Variants in ADAM12 observed in about 807,000 individuals in gnomAD.
The protein encoded by ADAM12 is ADAM metallopeptidase domain 12.
A neutral mutation model predicts 106.4 loss-of-function variants in ADAM12; 70 were observed. The ratio of observed to expected loss-of-function variants is 0.66; its 90% confidence interval spans 0.54 to 0.80. The LOEUF is 0.80. ADAM12 is among the 30% of genes least tolerant of loss of function. The probability of loss-of-function intolerance (pLI) is 0.00; values close to 1 mark genes in which losing one functional copy is unlikely to be tolerated. For missense variants in ADAM12, 1,010 were observed against 1,171.9 expected (o/e 0.86, Z 2.02); for synonymous variants, 420 against 433.5 (o/e 0.97, Z 0.39).
rs1953672268 is a variant in ADAM12, at chr10:126,016,998, A to G, written c.*281T>C. On this transcript the variant is annotated 3_prime_UTR_variant, in exon 23 of 23. Transcript: ENST00000448723. ...TTCACTAAAATACTAAAAGCACAAC[A>G]AGCCTTCCTGCCATGGAAAACTCAG... The G allele has an allele frequency of 3.1e-6, 1 of 326,396 alleles. No individual in the cohort carries two copies. The highest frequency in any genetic ancestry group is 2.1e-5 in the African/African-American group (1 of 46,748). The allele number at this position is 326,396 out of a possible 1,614,324, so 20.2% of individuals were successfully genotyped here.
rs1186196288 is a variant in ADAM12, at chr10:126,013,146, A to G, written c.*4133T>C. 1 of 152,208 alleles carries G rather than the reference A, an allele frequency of 6.6e-6. No homozygotes were observed. The highest frequency in any genetic ancestry group is 2.4e-5 in the African/African-American group (1 of 41,436). The allele number at this position is 152,208 out of a possible 1,614,324, so 9.4% of individuals were successfully genotyped here. On this transcript the variant is annotated 3_prime_UTR_variant, in exon 23 of 23. Coordinates refer to ENST00000448723, the MANE Select transcript of ADAM12 (RefSeq NM_001288973.2). This position sits in a 1 kb window ranked among gnomAD's most constrained non-coding sequence, Gnocchi z 4.3. ...TATAGTTATTCTTAATTTTTCTCAT[A>G]TGAAACTGTAATGGCTGTACTAGAA...
At chr10:126,251,636 TGATGGGATG>T (rs1357598316) in intron 3 of ADAM12, among the ~76,000 whole-genome samples, 2 of 147,820 alleles carry the variant, frequency 1.4e-5, no homozygotes, top group South Asian at 2.1e-4. Flanking sequence ...ATGGATGGGA[TGATGGGATG>T]GATGGGATGG....
chr10:126,131,989 T>A, intron 5 of ADAM12, among the ~76,000 whole-genome samples: 1 of 151,992 alleles, frequency 6.6e-6, no homozygotes, highest in East Asian at 1.9e-4. Context: ...GTTTTTTTTT[T>A]TTTTTTAGTT....
At chr10:126,353,956 A>G (rs1179739304) in intron 1 of ADAM12, among the ~76,000 whole-genome samples, 4 of 152,108 alleles carry the variant, frequency 2.6e-5, no homozygotes, top group Non-Finnish European at 5.9e-5. Flanking sequence ...TTGACAGAAA[A>G]TTCCAAATCC....
At chr10:126,063,113 G>A (rs1326497288) in intron 14 of ADAM12, among the ~76,000 whole-genome samples, 1 of 152,242 alleles carries the variant, frequency 6.6e-6, no homozygotes, top group Non-Finnish European at 1.5e-5. Context: ...TGCCAGGACT[G>A]AGGGCTGCTC....
Position 126,135,667 on chromosome 10 carries a change from G to T in ADAM12, c.340-7C>A, listed in dbSNP as rs748730684. ...CATGGTAGTAACAGTGACCCTAAAG[G>T]GGAGGAGGAGAGAATCCCATTTCAG... On this transcript the variant is annotated splice_polypyrimidine_tract_variant and splice_region_variant and intron_variant, in intron 4 of 22. Transcript: ENST00000448723. The T allele has an allele frequency of 6.2e-7, 1 of 1,612,170 alleles. No individual in the cohort carries two copies. The highest frequency in any genetic ancestry group is 1.1e-5 in the South Asian group (1 of 91,012).
chr10:126,071,613 T>G lies in ADAM12; in HGVS notation c.1187A>C (p.Asp396Ala). ...PMVFSSCSRK[D>A]LETSLEKGMG... ...TCCTTTCTCCAGGCTGGTCTCCAAG[T>G]CCTTCCTGCTGCAACTGCTGAACAC... The change falls in exon 12 of 23, where the codon GAC becomes GCC. Residue 396 changes from aspartate (D) to alanine (A), a missense_variant. Physicochemically the swap from Asp to Ala is moderately radical, Grantham distance 126 (BLOSUM62 -2). Transcript: ENST00000448723. 1 of 1,614,122 alleles carries G rather than the reference T, an allele frequency of 6.2e-7. No homozygotes were observed. Among genetic ancestry groups the G allele is most frequent in the African/African-American group, 1.3e-5 (1 of 75,026 alleles).
At position 126,019,802 on chromosome 10, in the gene ADAM12, A is replaced by AG. The variant is rs758654497; in HGVS notation, c.2552dup (p.Gln852SerfsTer55). ...GAGGATCTGCAGGCAGAGGCTTCTG[A>AG]GGGGGGTTTGGCTTACAGGTCCCCT... is the stretch of plus-strand genomic sequence containing the variant. On this transcript the variant is annotated frameshift_variant, in exon 22 of 23. Transcript: ENST00000448723. LOFTEE classifies it high-confidence loss of function. The AG allele has an allele frequency of 3.1e-6, 5 of 1,613,834 alleles. No homozygotes were observed. Among genetic ancestry groups the AG allele is most frequent in the South Asian group, 1.1e-5 (1 of 91,058 alleles).
intron 5 of ADAM12, among the ~76,000 whole-genome samples, chr10:126,122,211 CCTT>C (rs1469118061): frequency 6.6e-6 from 1 of 152,166 alleles, no homozygotes; most frequent in Non-Finnish European, 1.5e-5. Flanking sequence ...TCTCATGTCT[CCTT>C]CTAAGTCATC....
chr10:126,019,969 T>G (rs1953733193), intron 21 of ADAM12, 144 bp from the exon 22 acceptor site: 3 of 1,036,678 alleles, frequency 2.9e-6, no homozygotes, highest in Non-Finnish European at 4.0e-6. Context: ...TGACCTCTGT[T>G]AATCTTCTTG....
intron 14 of ADAM12, among the ~76,000 whole-genome samples, chr10:126,050,014 G>GGCTGGCTA (rs1954438565): frequency 1.5e-5 from 1 of 66,330 alleles, no homozygotes; most frequent in Non-Finnish European, 2.9e-5. Flanking sequence ...CTGGCTGGCT[G>GGCTGGCTA]GCTGGCTGGC....
At chr10:126,088,153 C>G (rs932331922) in intron 11 of ADAM12, among the ~76,000 whole-genome samples, 4 of 152,150 alleles carry the variant, frequency 2.6e-5, no homozygotes, top group Non-Finnish European at 5.9e-5. Flanking sequence ...GCTTGATACC[C>G]GGACTGTGTA....
intron 14 of ADAM12, among the ~76,000 whole-genome samples, chr10:126,051,755 G>A (rs559870317): frequency 6.6e-6 from 1 of 152,310 alleles, no homozygotes; most frequent in Non-Finnish European, 1.5e-5. Flanking sequence ...CCAGACATTG[G>A]GAGTATAAGA....
At chr10:126,138,315 T>C (rs1160727390) in intron 4 of ADAM12, among the ~76,000 whole-genome samples, 1 of 152,200 alleles carries the variant, frequency 6.6e-6, no homozygotes, top group Non-Finnish European at 1.5e-5. Context: ...ATTAGATATA[T>C]GATTTACAGA....
chr10:126,221,487 TAAAC>T (rs1958094219), intron 3 of ADAM12, among the ~76,000 whole-genome samples: 1 of 152,118 alleles, frequency 6.6e-6, no homozygotes, highest in African/African-American at 2.4e-5. Context: ...ATACAAAAGA[TAAAC>T]TAACAATTAT....
At chr10:126,110,504 G>A (rs1406968053) in intron 6 of ADAM12, among the ~76,000 whole-genome samples, 1 of 152,074 alleles carries the variant, frequency 6.6e-6, no homozygotes, top group Non-Finnish European at 1.5e-5. Flanking sequence ...CAAAGAGAAA[G>A]AGAACGGAAA....
intron 1 of ADAM12, among the ~76,000 whole-genome samples, chr10:126,355,494 G>C (rs914330388): frequency 1.1e-4 from 16 of 152,230 alleles, no homozygotes; most frequent in Non-Finnish European, 2.2e-4. Context: ...AAGCCTGAGA[G>C]ACCTGCCTAG....
Position 126,149,773 on chromosome 10 carries a change from G to A in ADAM12, c.339+5454C>T, listed in dbSNP as rs181639164. 5.9e-3 allele frequency among the ~76,000 whole-genome samples: 891 copies of A among 152,222 alleles called. 9 individuals are homozygous for A. Among genetic ancestry groups the A allele is most frequent in the African/African-American group, 0.02 (848 of 41,530 alleles). ...CACCAATGGTTTGCCAGGGGTTCTCGGGCCTTCAGCCACAGACTGAAGGCT... is the reference window on the plus strand; with the variant it reads ...CACCAATGGTTTGCCAGGGGTTCTCAGGCCTTCAGCCACAGACTGAAGGCT... On this transcript the variant is annotated intron_variant, in intron 4 of 22. Transcript: ENST00000448723.
At chr10:126,329,635 T>C (rs1228009200) in intron 2 of ADAM12, among the ~76,000 whole-genome samples, 1 of 152,166 alleles carries the variant, frequency 6.6e-6, no homozygotes, top group Non-Finnish European at 1.5e-5. Flanking sequence ...GCTCCCTAGA[T>C]GGAAATCACC....
Sources: allele counts gnomAD v4.1 joint callset (sites outside exome capture counted in the v4.1 genomes callset), GRCh38; gene constraint gnomAD v4.1.1; non-coding constraint Gnocchi (gnomAD v3.1); transcripts MANE v1.5; gene names NCBI Gene and HGNC (gene_info 2026-07-23, HGNC 2026-07-21).